The following PRKAR1B variants were observed in gnomAD, a reference collection of about 807,000 sequenced individuals.
PRKAR1B encodes protein kinase cAMP-dependent type I regulatory subunit beta, also known as cAMP-dependent protein kinase type I-beta regulatory subunit.
In PRKAR1B, 22 loss-of-function variants were observed where a neutral mutation model predicts 46.5. That is an observed-to-expected ratio of 0.47 (90% confidence interval 0.34 to 0.68). The LOEUF (loss-of-function observed/expected upper bound fraction) is 0.68, where lower values mean the gene tolerates loss of function less well. Among genes scored for constraint, PRKAR1B ranks in the 30% least tolerant of loss-of-function variants. The pLI is 0.01. For synonymous variants in PRKAR1B, 259 were observed against 217.7 expected (o/e 1.19, Z -1.67); for missense variants, 445 against 535.6 (o/e 0.83, Z 1.67).
At chr7:643,174 C>T (rs1784472731) in intron 4 of PRKAR1B, among the ~76,000 whole-genome samples, 1 of 151,592 alleles carries the variant, frequency 6.6e-6, no homozygotes, top group Non-Finnish European at 1.5e-5. Flanking sequence ...TTTTAAACTT[C>T]CTGATACTAT....
At chr7:662,733 C>G (rs914283271) in intron 4 of PRKAR1B, among the ~76,000 whole-genome samples, 6 of 152,228 alleles carry the variant, frequency 3.9e-5, no homozygotes, top group African/African-American at 1.4e-4. Context: ...CCTACTCTCC[C>G]CATGCCTGAG....
At chr7:652,124 C>A (rs1222520833) in intron 4 of PRKAR1B, among the ~76,000 whole-genome samples, 3 of 138,644 alleles carry the variant, frequency 2.2e-5, no homozygotes, top group East Asian at 4.5e-4. Context: ...AAACCCCTCT[C>A]GGAAGACAGT....
At chr7:652,657 G>A (rs573979338) in intron 4 of PRKAR1B, among the ~76,000 whole-genome samples, 2 of 152,374 alleles carry the variant, frequency 1.3e-5, no homozygotes, top group East Asian at 3.9e-4. Flanking sequence ...TGGCAGTCCA[G>A]GCTCACCATT....
chr7:687,280 T>C (rs1429302287), intron 2 of PRKAR1B, among the ~76,000 whole-genome samples: 1 of 152,128 alleles, frequency 6.6e-6, no homozygotes, highest in African/African-American at 2.4e-5. Flanking sequence ...ATGCAGATCA[T>C]GGAGTTAATG....
In PRKAR1B at chr7:666,119, CAGG is replaced by C. The variant is rs1247414425; in HGVS notation, c.440+11107_440+11109del. ...CCCAATTATCACGTTTCTCGGCTCCCAGGAGCTCAGCGATGCTCCCCCTACAGG... is the reference window on the plus strand; with the variant it reads ...CCCAATTATCACGTTTCTCGGCTCCCAGCTCAGCGATGCTCCCCCTACAGG... On this transcript the variant is annotated intron_variant, in intron 4 of 10. Transcript: ENST00000537384. This position sits in a 1 kb window ranked among gnomAD's most constrained non-coding sequence, Gnocchi z 4.9. Among the ~76,000 whole-genome samples the C allele has an allele frequency of 6.6e-6, 1 of 152,204 alleles. No homozygotes were observed. Among genetic ancestry groups the C allele is most frequent in the African/African-American group, 2.4e-5 (1 of 41,458 alleles).
At chr7:579,235 C>T (rs1780042143) in intron 9 of PRKAR1B, 21 bp downstream of exon 9, 1 of 1,613,934 alleles carries the variant, frequency 6.2e-7, no homozygotes. Context: ...CCAGAGCGCC[C>T]ACGTGGGAAG....
chr7:568,870 G>A (rs1033404506), intron 9 of PRKAR1B, among the ~76,000 whole-genome samples: 4 of 152,230 alleles, frequency 2.6e-5, no homozygotes, highest in South Asian at 4.2e-4. Context: ...GAACGCCTGC[G>A]CGGCGGTGCC....
At position 718,295 on chromosome 7, in the gene PRKAR1B, C is replaced by CACAT. The variant is rs1178802508; in HGVS notation, c.-22-6769_-22-6768insATGT. 5.2e-5 allele frequency among the ~76,000 whole-genome samples: 7 copies of CACAT among 135,698 alleles called. 1 individual carries two copies. The highest frequency in any genetic ancestry group is 1.5e-4 in the Admixed American group (2 of 13,688). The allele number at this position is 135,698 out of a possible 152,430, so 89.0% of individuals were successfully genotyped here. A position where few individuals can be genotyped will look rare whatever the true frequency, so the allele number is the denominator to read the frequency against. The stretch of plus-strand genomic sequence containing the variant: ...ACACACACACACACACACACACACA[C>CACAT]ATACACATATATACATACATATATA... On this transcript the variant is annotated intron_variant, in intron 1 of 10. Transcript: ENST00000537384.
chr7:613,556 G>A (rs1035384688), intron 4 of PRKAR1B, among the ~76,000 whole-genome samples: 7 of 152,144 alleles, frequency 4.6e-5, no homozygotes, highest in African/African-American at 7.2e-5. Context: ...AGGAGATGGC[G>A]CGCCAAGCTC....
rs1294956381 is a variant in PRKAR1B at position 711,494 on chromosome 7, C to T, written c.12G>A (p.Pro4=). Reference sequence around the variant, plus strand: ...CGTCCTCCTCCGAGGGGCAGGCGGGCGGGGAGGCCATGGCGAGGGTGGCTG... The same window carrying T: ...CGTCCTCCTCCGAGGGGCAGGCGGGTGGGGAGGCCATGGCGAGGGTGGCTG... MAS[P]PACPSEEDES... The change falls in exon 2 of 11, where the codon CCG becomes CCA. Residue 4 remains proline, a synonymous_variant. Coordinates refer to ENST00000537384, the MANE Select transcript of PRKAR1B (RefSeq NM_001164760.2). The T allele has an allele frequency of 1.9e-6, 3 of 1,613,266 alleles. No homozygotes were observed. The highest frequency in any genetic ancestry group is 2.5e-6 in the Non-Finnish European group (3 of 1,179,642).
chr7:688,378 T>C (rs1293183399), intron 2 of PRKAR1B, among the ~76,000 whole-genome samples: 1 of 149,390 alleles, frequency 6.7e-6, no homozygotes, highest in Non-Finnish European at 1.5e-5. Context: ...CACTCCAGCC[T>C]GGGCAACAGA....
In PRKAR1B at chr7:623,188, A is replaced by C. The variant is rs1465214494; in HGVS notation, c.441-15736T>G. On this transcript the variant is annotated intron_variant, in intron 4 of 10. Transcript: ENST00000537384. Reference sequence around the variant, plus strand: ...TCTGTTGACTACAAGTTTCCAAAAAATTCTCTCTAAATAGCAATAACTCAG... The same window carrying C: ...TCTGTTGACTACAAGTTTCCAAAAACTTCTCTCTAAATAGCAATAACTCAG... Among the ~76,000 whole-genome samples, 3 of 152,278 alleles carry C rather than the reference A, an allele frequency of 2.0e-5. No individual in the cohort carries two copies. The East Asian group carries it at 5.8e-4, about 29-fold the overall frequency.
intron 4 of PRKAR1B, among the ~76,000 whole-genome samples, chr7:610,571 G>T (rs1362134886): frequency 6.6e-6 from 1 of 152,152 alleles, no homozygotes; most frequent in Non-Finnish European, 1.5e-5. Context: ...GTTAATGCCC[G>T]AATGTCACCA....
In PRKAR1B at chr7:685,385, C is replaced by CACATATATATATATACATACATATAT. The variant is rs1554303273; in HGVS notation, c.178-4660_178-4659insATATATGTATGTATATATATATATGT. Among the ~76,000 whole-genome samples, 2 of 79,516 alleles carry CACATATATATATATACATACATATAT rather than the reference C, an allele frequency of 2.5e-5. 1 individual carries two copies. The highest frequency in any genetic ancestry group is 4.6e-5 in the Non-Finnish European group (2 of 43,090). 52.2% of individuals were successfully genotyped at this position (79,516 alleles called of 152,430 possible). A position where few individuals can be genotyped will look rare whatever the true frequency, so the allele number is the denominator to read the frequency against. ...ATATACACATATATATATATACATA[C>CACATATATATATATACATACATATAT]ATATATATATATATATGTATATATA... On this transcript the variant is annotated intron_variant, in intron 2 of 10. Transcript: ENST00000537384.
At chr7:660,669 C>G (rs142831878) in intron 4 of PRKAR1B, among the ~76,000 whole-genome samples, 34 of 122,100 alleles carry the variant, frequency 2.8e-4, no homozygotes, top group East Asian at 8.4e-4. Flanking sequence ...TACTCTCCCC[C>G]CCATGCCACA....
chr7:645,705 G>A (rs1223714714), intron 4 of PRKAR1B, among the ~76,000 whole-genome samples: 3 of 152,152 alleles, frequency 2.0e-5, no homozygotes, highest in Non-Finnish European at 1.5e-5. Flanking sequence ...CCAGCCTCCA[G>A]GCCTGTGTTC....
At chr7:620,033 TTTTA>T (rs1039111637) in intron 4 of PRKAR1B, among the ~76,000 whole-genome samples, 1 of 150,972 alleles carries the variant, frequency 6.6e-6, no homozygotes, top group Non-Finnish European at 1.5e-5. Context: ...TTTTTTTTTT[TTTTA>T]GAGATGGGGT....
rs1205051272 is a variant in PRKAR1B at position 666,045 on chromosome 7, G to A, written c.440+11184C>T. Among the ~76,000 whole-genome samples, 2 of 152,156 alleles carry A rather than the reference G, an allele frequency of 1.3e-5. No homozygotes were observed. The highest frequency in any genetic ancestry group is 2.9e-5 in the Non-Finnish European group (2 of 68,024). On this transcript the variant is annotated intron_variant, in intron 4 of 10. Coordinates refer to ENST00000537384, the MANE Select transcript of PRKAR1B (RefSeq NM_001164760.2). The surrounding 1 kb of genome is among the most constrained non-coding windows in gnomAD (Gnocchi z 4.9). ...GTGCCCGTCTGGCAGCTCCAGTAATGAGGTCCCCGCCGGAGGCCCAACGCA... is the reference window on the plus strand; with the variant it reads ...GTGCCCGTCTGGCAGCTCCAGTAATAAGGTCCCCGCCGGAGGCCCAACGCA...
chr7:566,054 G>A (rs1218263817), intron 9 of PRKAR1B, among the ~76,000 whole-genome samples: 1 of 152,172 alleles, frequency 6.6e-6, no homozygotes, highest in East Asian at 1.9e-4. Flanking sequence ...CATTACCTCA[G>A]AGACTCGTAA....
Sources: allele counts gnomAD v4.1 joint callset (sites outside exome capture counted in the v4.1 genomes callset), GRCh38; gene constraint gnomAD v4.1.1; non-coding constraint Gnocchi (gnomAD v3.1); transcripts MANE v1.5; gene names NCBI Gene and HGNC (gene_info 2026-07-23, HGNC 2026-07-21).